Variants in DDAH1 observed in about 807,000 individuals in gnomAD.
DDAH1 encodes N(G),N(G)-dimethylarginine dimethylaminohydrolase 1.
Under a neutral mutation model 28.8 loss-of-function variants are expected in DDAH1, and 19 were observed. That is an observed-to-expected ratio of 0.66 (90% CI 0.46 to 0.97). The LOEUF (loss-of-function observed/expected upper bound fraction) is 0.97, where lower values mean the gene tolerates loss of function less well. DDAH1 is among the 50% of genes least tolerant of loss of function. DDAH1 has a pLI of 0.00. For missense variants in DDAH1, 326 were observed against 375.9 expected, an observed-to-expected ratio of 0.87 and a Z score of 1.10; for synonymous variants, 153 against 154.4, an observed-to-expected ratio of 0.99 and a Z score of 0.07.
chr1:85,453,210 A>G (rs1462259161), intron 1 of DDAH1, among the ~76,000 whole-genome samples: 1 of 152,156 alleles, frequency 6.6e-6, no homozygotes, highest in Non-Finnish European at 1.5e-5. Context: ...ATATTATCCC[A>G]TCCACTCACC....
intron 1 of DDAH1, among the ~76,000 whole-genome samples, chr1:85,413,515 T>C (rs775364279): frequency 6.6e-6 from 1 of 152,230 alleles, no homozygotes; most frequent in Non-Finnish European, 1.5e-5. Context: ...ACAGTTAAAA[T>C]GTGGCACTTC....
At chr1:85,322,818 CAG>C (rs902305889) in intron 5 of DDAH1, among the ~76,000 whole-genome samples, 10 of 152,216 alleles carry the variant, frequency 6.6e-5, no homozygotes, top group Non-Finnish European at 1.2e-4. Flanking sequence ...ACGGCTGAAT[CAG>C]GGGGGCAGTG....
At chr1:85,367,108 G>C (rs913428972) in intron 1 of DDAH1, among the ~76,000 whole-genome samples, 1 of 151,824 alleles carries the variant, frequency 6.6e-6, no homozygotes, top group Admixed American at 6.6e-5. Flanking sequence ...TGGAGTTCTT[G>C]ATATATGAGA....
intron 1 of DDAH1, among the ~76,000 whole-genome samples, chr1:85,549,925 C>G (rs541669134): frequency 6.6e-6 from 1 of 152,004 alleles, no homozygotes; most frequent in Non-Finnish European, 1.5e-5. Context: ...TTCACTGGAA[C>G]CCAGAGCTCT....
intron 4 of DDAH1, among the ~76,000 whole-genome samples, chr1:85,348,577 T>TCC (rs1649007768): frequency 6.6e-6 from 1 of 152,096 alleles, no homozygotes; most frequent in Non-Finnish European, 1.5e-5. Context: ...TTATGCCATG[T>TCC]CCCCACCTGT....
intron 4 of DDAH1, among the ~76,000 whole-genome samples, chr1:85,341,681 C>T (rs1332734628): frequency 2.6e-5 from 4 of 152,190 alleles, no homozygotes; most frequent in East Asian, 3.9e-4. Context: ...GGGGAGGTGG[C>T]GGGTGCCTGT....
At chr1:85,375,066 G>A (rs1650588072) in intron 1 of DDAH1, among the ~76,000 whole-genome samples, 2 of 79,224 alleles carry the variant, frequency 2.5e-5, no homozygotes, top group Admixed American at 3.1e-4. Flanking sequence ...AGGATAAAAA[G>A]CTACATCACA....
chr1:85,374,438 C>T (rs905278341), intron 1 of DDAH1, among the ~76,000 whole-genome samples: 3 of 152,144 alleles, frequency 2.0e-5, no homozygotes, highest in African/African-American at 7.2e-5. Context: ...ATCTCCCAGA[C>T]ACCTATCCTT....
chr1:85,358,891 T>C, intron 1 of DDAH1, 44 bp from the exon 2 acceptor site: 3 of 1,452,586 alleles, frequency 2.1e-6, no homozygotes, highest in Non-Finnish European at 2.9e-6. Context: ...TACAATTTCC[T>C]AACAAGAAAA....
At chr1:85,463,744 T>A (rs766520022) in intron 1 of DDAH1, among the ~76,000 whole-genome samples, 1 of 152,052 alleles carries the variant, frequency 6.6e-6, no homozygotes, top group African/African-American at 2.4e-5. Flanking sequence ...AGAAAAAAAA[T>A]TCTTAAATCT....
chr1:85,425,483 T>C (rs1203281908), intron 1 of DDAH1, among the ~76,000 whole-genome samples: 1 of 152,138 alleles, frequency 6.6e-6, no homozygotes, highest in Non-Finnish European at 1.5e-5. Flanking sequence ...AATACAAACA[T>C]AAAATATCAA....
intron 1 of DDAH1, among the ~76,000 whole-genome samples, chr1:85,460,613 G>A (rs1315719219): frequency 6.6e-6 from 1 of 151,922 alleles, no homozygotes; most frequent in Admixed American, 6.6e-5. Flanking sequence ...AAAAGTAAAG[G>A]GGCAAAAGGG....
At chr1:85,373,143 A>G (rs1169160009) in intron 1 of DDAH1, among the ~76,000 whole-genome samples, 1 of 152,186 alleles carries the variant, frequency 6.6e-6, no homozygotes, top group Admixed American at 6.6e-5. Flanking sequence ...ATGCAAATAT[A>G]TAAGTGAAGT....
At chr1:85,510,286 G>C (rs1557706458) in intron 1 of DDAH1, among the ~76,000 whole-genome samples, 1 of 152,196 alleles carries the variant, frequency 6.6e-6, no homozygotes, top group Non-Finnish European at 1.5e-5. Flanking sequence ...ATCCTTTACA[G>C]ACAAGCAAAT....
chr1:85,559,975 A>G (rs1185301370), intron 1 of DDAH1, among the ~76,000 whole-genome samples: 1 of 152,166 alleles, frequency 6.6e-6, no homozygotes, highest in Non-Finnish European at 1.5e-5. Flanking sequence ...CCAAGAATCT[A>G]ATTAAATCCC....
chr1:85,397,691 G>C (rs1651875503), intron 1 of DDAH1, among the ~76,000 whole-genome samples: 1 of 152,112 alleles, frequency 6.6e-6, no homozygotes, highest in Non-Finnish European at 1.5e-5. Context: ...TGGAAACACT[G>C]GTTTAATTGC....
intron 1 of DDAH1, among the ~76,000 whole-genome samples, chr1:85,443,646 T>C (rs1271133120): frequency 6.6e-6 from 1 of 152,254 alleles, no homozygotes; most frequent in Non-Finnish European, 1.5e-5. Flanking sequence ...ATATTGATTC[T>C]TCCTATCCAT....
chr1:85,408,468 T>A (rs1049566809), intron 1 of DDAH1, among the ~76,000 whole-genome samples: 1 of 152,202 alleles, frequency 6.6e-6, no homozygotes, highest in Non-Finnish European at 1.5e-5. Flanking sequence ...ATTTACATGT[T>A]TTCCCTGTTT....
intron 1 of DDAH1, among the ~76,000 whole-genome samples, chr1:85,422,335 T>G (rs1425423578): frequency 6.6e-6 from 1 of 152,208 alleles, no homozygotes; most frequent in Non-Finnish European, 1.5e-5. Context: ...GCAAGTATTT[T>G]CTCCCATCCT....
Sources: allele counts gnomAD v4.1 joint callset (sites outside exome capture counted in the v4.1 genomes callset), GRCh38; gene constraint gnomAD v4.1.1; transcripts MANE v1.5; gene names NCBI Gene and HGNC (gene_info 2026-07-23, HGNC 2026-07-21).